The following TENM2 variants were observed in gnomAD, a reference collection of about 807,000 sequenced individuals.
The protein encoded by TENM2 is teneurin transmembrane protein 2.
TENM2 carries 52 observed loss-of-function variants against 245.2 expected under a neutral mutation model. The observed-to-expected ratio is 0.21, with a 90% CI of 0.17 to 0.27. TENM2 has a LOEUF of 0.27. TENM2 is among the 10% of genes least tolerant of loss of function. The probability of loss-of-function intolerance (pLI) is 1.00; values close to 1 mark genes in which losing one functional copy is unlikely to be tolerated. For missense variants in TENM2, 3,046 were observed against 3,666.8 expected (o/e 0.83, Z 4.37); for synonymous variants, 1,363 against 1,438.9 (o/e 0.95, Z 1.19).
At chr5:167,169,868 G>A in the TENM2 span, among the ~76,000 whole-genome samples, 2 of 152,138 alleles carry the variant, frequency 1.3e-5, no homozygotes, top group African/African-American at 4.8e-5. Context: ...TCTGTAAAAG[G>A]GTAGTCTTGT....
Position 167,661,839 on chromosome 5 carries a change from C to G in TENM2, c.503-214147C>G, listed in dbSNP as rs897727381. Reference sequence around the variant, plus strand: ...AGATGGATCTCAAACAGGCCGTCTACTCACTGGTTCCCAGAAGCTGCAGGC... The same window carrying G: ...AGATGGATCTCAAACAGGCCGTCTAGTCACTGGTTCCCAGAAGCTGCAGGC... On this transcript the variant is annotated intron_variant, in intron 2 of 28. Transcript: ENST00000518659. Among the ~76,000 whole-genome samples, 7 of 152,338 alleles carry G rather than the reference C, an allele frequency of 4.6e-5. No homozygotes were observed. The South Asian group carries it at 1.2e-3, about 27-fold the overall frequency.
chr5:167,180,985 A>G, the TENM2 span, among the ~76,000 whole-genome samples: 23 of 152,004 alleles, frequency 1.5e-4, no homozygotes, highest in South Asian at 4.4e-3. Flanking sequence ...AACAATCCAC[A>G]TGTAATGGGA....
At chr5:167,498,168 T>C (rs555740360) in intron 2 of TENM2, among the ~76,000 whole-genome samples, 2 of 152,262 alleles carry the variant, frequency 1.3e-5, no homozygotes, top group African/African-American at 4.8e-5. Flanking sequence ...AGAAGACCTC[T>C]GTGTTTCTAG....
At chr5:167,635,703 G>T (rs1209710915) in intron 2 of TENM2, among the ~76,000 whole-genome samples, 1 of 129,558 alleles carries the variant, frequency 7.7e-6, no homozygotes, top group East Asian at 2.5e-4. Flanking sequence ...GGAGTGCAAT[G>T]GCGCTATCTC....
At chr5:168,049,412 A>G (rs1242986914) in intron 6 of TENM2, among the ~76,000 whole-genome samples, 1 of 152,242 alleles carries the variant, frequency 6.6e-6, no homozygotes, top group East Asian at 1.9e-4. Flanking sequence ...GGGCACAGAG[A>G]AATTGTTTAT....
the TENM2 span, among the ~76,000 whole-genome samples, chr5:166,986,311 C>G: frequency 2.6e-5 from 4 of 152,178 alleles, no homozygotes; most frequent in Non-Finnish European, 5.9e-5. Flanking sequence ...AATTCCTCAT[C>G]ACAACCAAAA....
intron 2 of TENM2, among the ~76,000 whole-genome samples, chr5:167,439,006 CT>C (rs1190432517): frequency 6.6e-6 from 1 of 151,194 alleles, no homozygotes; most frequent in Non-Finnish European, 1.5e-5. Context: ...GTTAGCCAGG[CT>C]AGTCTCAAAC....
At chr5:167,999,690 G>C (rs1018438898) in intron 5 of TENM2, among the ~76,000 whole-genome samples, 1 of 152,208 alleles carries the variant, frequency 6.6e-6, no homozygotes, top group African/African-American at 2.4e-5. Context: ...AGTGCTTCAG[G>C]AGGGTCAGCA....
chr5:168,084,483 G>C (rs1792275755), intron 7 of TENM2, among the ~76,000 whole-genome samples: 1 of 152,168 alleles, frequency 6.6e-6, no homozygotes. Flanking sequence ...TTGTGGTTTT[G>C]ATTTACATTT....
chr5:168,037,980 T>A (rs1291728970), intron 5 of TENM2, among the ~76,000 whole-genome samples: 1 of 152,128 alleles, frequency 6.6e-6, no homozygotes, highest in Admixed American at 6.5e-5. Context: ...TTCAGGCAAA[T>A]GAGAGAATAA....
At chr5:167,095,369 C>T in the TENM2 span, among the ~76,000 whole-genome samples, 12 of 152,008 alleles carry the variant, frequency 7.9e-5, no homozygotes, top group African/African-American at 2.9e-4. Context: ...GCAGGGCTGG[C>T]CTGGGCAGTG....
chr5:167,758,208 G>C (rs1206981273), intron 2 of TENM2, among the ~76,000 whole-genome samples: 1 of 152,178 alleles, frequency 6.6e-6, no homozygotes, highest in Non-Finnish European at 1.5e-5. Context: ...GTGTCATTAT[G>C]ATGACCAAGA....
chr5:167,070,202 C>T, the TENM2 span, among the ~76,000 whole-genome samples: 3 of 151,322 alleles, frequency 2.0e-5, 1 homozygote, highest in South Asian at 4.2e-4. Context: ...ACTGCAAGCT[C>T]CGCCTCCCGG....
At chr5:167,960,601 A>G (rs1455084652) in intron 4 of TENM2, among the ~76,000 whole-genome samples, 1 of 151,884 alleles carries the variant, frequency 6.6e-6, no homozygotes, top group Non-Finnish European at 1.5e-5. Flanking sequence ...TGGCAGCAAG[A>G]ATTTCAAGCC....
At chr5:167,200,138 T>G in the TENM2 span, among the ~76,000 whole-genome samples, 1 of 151,956 alleles carries the variant, frequency 6.6e-6, no homozygotes, top group Non-Finnish European at 1.5e-5. Context: ...AAGACAGAAA[T>G]ACCTTTCTAT....
intron 2 of TENM2, among the ~76,000 whole-genome samples, chr5:167,555,750 A>C (rs992713219): frequency 6.6e-6 from 1 of 152,298 alleles, no homozygotes; most frequent in South Asian, 2.1e-4. Context: ...CGGAATCAGT[A>C]AACACAGCCA....
chr5:167,875,932 G>T (rs979257337), intron 2 of TENM2, 54 bp from the exon 5 acceptor site: 3 of 1,233,834 alleles, frequency 2.4e-6, no homozygotes, highest in Non-Finnish European at 3.5e-6. Context: ...ACTTTCTTGG[G>T]GTGCTCTCGT....
chr5:167,499,163 C>T (rs1262553697), intron 2 of TENM2, among the ~76,000 whole-genome samples: 1 of 152,098 alleles, frequency 6.6e-6, no homozygotes, highest in Admixed American at 6.6e-5. Flanking sequence ...TTTTCTACTG[C>T]TGTGATATGT....
chr5:168,112,518 C>T (rs1019250113), intron 9 of TENM2, among the ~76,000 whole-genome samples: 13 of 148,448 alleles, frequency 8.8e-5, no homozygotes, highest in African/African-American at 2.7e-4. Flanking sequence ...GCCTCCAGCT[C>T]CATCCATGTC....
Sources: allele counts gnomAD v4.1 joint callset (sites outside exome capture counted in the v4.1 genomes callset), GRCh38; gene constraint gnomAD v4.1.1; transcripts MANE v1.5; gene names NCBI Gene and HGNC (gene_info 2026-07-23, HGNC 2026-07-21).